Variants in ATP13A2 observed in about 807,000 individuals in gnomAD.
ATP13A2 encodes ATPase cation transporting 13A2, also known as polyamine-transporting ATPase 13A2.
A neutral mutation model predicts 138.3 loss-of-function variants in ATP13A2; 83 were observed. The ratio of observed to expected loss-of-function variants is 0.60; its 90% CI spans 0.50 to 0.72. The LOEUF (loss-of-function observed/expected upper bound fraction) is 0.72, where lower values mean the gene tolerates loss of function less well. ATP13A2 is among the 30% of genes least tolerant of loss of function. The pLI is 0.00. For synonymous variants in ATP13A2, 663 were observed against 699.0 expected, an observed-to-expected ratio of 0.95 and a Z score of 0.81; for missense variants, 1,402 against 1,606.4, an observed-to-expected ratio of 0.87 and a Z score of 2.17.
Position 16,997,153 on chromosome 1 carries a change from C to G in ATP13A2, c.1062G>C (p.Lys354Asn), listed in dbSNP as rs2077160781. The change falls in exon 12 of 29, where the codon AAG becomes AAC. Residue 354 changes from lysine to asparagine, a missense_variant. By Grantham distance (94) the Lys-to-Asn change is moderately conservative. Transcript: ENST00000326735. ...SLTGESIPVL[K>N]TALPEGLGPY... Reference sequence around the variant, plus strand: ...GCCCCAGCCCCTCCGGCAGTGCCGTCTTCAGCACTGGAATGCTCTCTCCTG... The same window carrying G: ...GCCCCAGCCCCTCCGGCAGTGCCGTGTTCAGCACTGGAATGCTCTCTCCTG... The G allele has an allele frequency of 1.2e-6, 2 of 1,613,530 alleles. No homozygotes were observed. The highest frequency in any genetic ancestry group is 1.7e-6 in the Non-Finnish European group (2 of 1,180,044).
chr1:17,007,550 C>CTTTT (rs67484789), intron 1 of ATP13A2, among the ~76,000 whole-genome samples: 2 of 80,792 alleles, frequency 2.5e-5, no homozygotes, highest in Non-Finnish European at 5.0e-5. Context: ...AAAATTTTTC[C>CTTTT]TTTTTTTTTT....
Position 17,011,688 on chromosome 1 carries a change from G to C in ATP13A2, c.10+41C>G. ...GGGTGACGACAACTGGCGGGCCGGG[G>C]ACCGCGCCGGGCTCGGGGCCGACCC... On this transcript the variant is annotated intron_variant, in intron 1 of 28. Coordinates refer to ENST00000326735, the MANE Select transcript of ATP13A2 (RefSeq NM_022089.4). The surrounding 1 kb of genome is among the most constrained non-coding windows in gnomAD (Gnocchi z 7.3). 1 of 1,482,658 alleles carries C rather than the reference G, an allele frequency of 6.7e-7. No individual in the cohort carries two copies. The highest frequency in any genetic ancestry group is 8.9e-7 in the Non-Finnish European group (1 of 1,123,060). The allele number at this position is 1,482,658 out of a possible 1,614,324, so 91.8% of individuals were successfully genotyped here. A position where few individuals can be genotyped will look rare whatever the true frequency, so the allele number is the denominator to read the frequency against.
intron 18 of ATP13A2, 24 bp downstream of exon 18, chr1:16,992,219 G>A: frequency 6.2e-7 from 1 of 1,612,006 alleles, no homozygotes; most frequent in East Asian, 2.2e-5. Context: ...CCAACCAGGG[G>A]GACTCAGGGG....
At chr1:17,003,413 C>A (rs983128918) in intron 6 of ATP13A2, among the ~76,000 whole-genome samples, 3 of 152,018 alleles carry the variant, frequency 2.0e-5, no homozygotes, top group African/African-American at 4.8e-5. Flanking sequence ...CAAAAATTAG[C>A]TGGGTGTGGT....
Position 17,011,732 on chromosome 1 carries a change from C to T in ATP13A2, c.7G>A (p.Ala3Thr), listed in dbSNP as rs549839037. Reference protein sequence around the residue: MSADSSPLVGSTP... With the variant: MSTDSSPLVGSTP... ...CCGACCCGGACTCCGCACTCACCTG[C>T]GCTCATGCCGGCTCCTCGCGCTCAT... Residue 3 changes from alanine (A) to threonine (T), a missense_variant, in exon 1 of 29, where the codon GCA (alanine) becomes ACA (threonine). Coordinates refer to ENST00000326735, the MANE Select transcript of ATP13A2 (RefSeq NM_022089.4). This position sits in a 1 kb window ranked among gnomAD's most constrained non-coding sequence, Gnocchi z 7.3. 5 of 1,474,756 alleles carry T rather than the reference C, an allele frequency of 3.4e-6. No homozygotes were observed. The South Asian group carries it at 3.8e-5, about 11-fold the overall frequency. 91.4% of individuals were successfully genotyped at this position (1,474,756 alleles called of 1,614,324 possible).
rs755284799 is a variant in ATP13A2, at chr1:16,992,273, G to A, written c.1975C>T (p.Leu659=). 29 of 1,612,534 alleles carry A rather than the reference G, an allele frequency of 1.8e-5. No homozygotes were observed. In the African/African-American group the frequency reaches 3.1e-4, roughly 17 times the overall value. The change falls in exon 18 of 29, where the codon CTG becomes TTG. Residue 659 remains leucine (L), a synonymous_variant. Coordinates refer to ENST00000326735, the MANE Select transcript of ATP13A2 (RefSeq NM_022089.4). The part of the protein sequence containing the change: ...PEAYVKGSPE[L]VAGLCNPETV... ...TCGGGGTTGCAGAGCCCTGCCACCA[G>A]CTCCGGGGAGCCTTTGACGTAGGCC...
Position 16,995,766 on chromosome 1 carries a change from A to C in ATP13A2, c.1542+210T>G, listed in dbSNP as rs1180381376. On this transcript the variant is annotated intron_variant, in intron 15 of 28. Transcript: ENST00000326735. This position sits in a 1 kb window ranked among gnomAD's most constrained non-coding sequence, Gnocchi z 4.1. The stretch of plus-strand genomic sequence containing the variant: ...CGGCCCCCCACCAGTTCTTGAACAC[A>C]TGAATACATGATTCTAGACATTTCA... 1 of 716,904 alleles carries C rather than the reference A, an allele frequency of 1.4e-6. No individual in the cohort carries two copies. 44.4% of individuals were successfully genotyped at this position (716,904 alleles called of 1,614,324 possible).
intron 25 of ATP13A2, among the ~76,000 whole-genome samples, chr1:16,987,705 G>A (rs111390353): frequency 2.0e-5 from 3 of 152,340 alleles, no homozygotes; most frequent in African/African-American, 7.2e-5. Context: ...GGGGTGAGCA[G>A]GCCATGCCCA....
At position 17,004,035 on chromosome 1, in the gene ATP13A2, G is replaced by A. The variant is rs1212378649; in HGVS notation, c.557+297C>T. The stretch of plus-strand genomic sequence containing the variant: ...ACCCCAAGCAGACAGTCTGAGTACA[G>A]AGCTGATAGTCTGATTCACAGTGGT... On this transcript the variant is annotated intron_variant, in intron 6 of 28. Transcript: ENST00000326735. This position sits in a 1 kb window ranked among gnomAD's most constrained non-coding sequence, Gnocchi z 4.1. Among the ~76,000 whole-genome samples, 7 of 152,200 alleles carry A rather than the reference G, an allele frequency of 4.6e-5. No homozygotes were observed. The highest frequency in any genetic ancestry group is 1.0e-4 in the Non-Finnish European group (7 of 68,040).
chr1:16,986,123 G>A lies in ATP13A2; in HGVS notation c.*98C>T, dbSNP rs1375809297. On this transcript the variant is annotated 3_prime_UTR_variant, in exon 29 of 29. Coordinates refer to ENST00000326735, the MANE Select transcript of ATP13A2 (RefSeq NM_022089.4). The surrounding 1 kb of genome is among the most constrained non-coding windows in gnomAD (Gnocchi z 6.9). ...GAGTGTAGACAGTCGCCAACCTCAG[G>A]GATGTGGGAGGTGGTGGCGGTGGTG... 6 of 1,591,658 alleles carry A rather than the reference G, an allele frequency of 3.8e-6. No homozygotes were observed. The highest frequency in any genetic ancestry group is 5.1e-6 in the Non-Finnish European group (6 of 1,170,418).
chr1:16,991,380 C>T (rs1001874386), intron 20 of ATP13A2, among the ~76,000 whole-genome samples: 23 of 152,272 alleles, frequency 1.5e-4, no homozygotes, highest in African/African-American at 4.6e-4. Context: ...GTACCGTGCC[C>T]GGCCAGAATC....
chr1:16,993,267 G>A (rs2100804489), intron 16 of ATP13A2, among the ~76,000 whole-genome samples: 1 of 152,306 alleles, frequency 6.6e-6, no homozygotes, highest in South Asian at 2.1e-4. Context: ...CCAGGCTGGA[G>A]TGCAGTAGCG....
At chr1:17,007,907 G>A (rs921092081) in intron 1 of ATP13A2, among the ~76,000 whole-genome samples, 1 of 151,868 alleles carries the variant, frequency 6.6e-6, no homozygotes, top group Admixed American at 6.6e-5. Context: ...GCTGCTGTGG[G>A]CACAGCACCC....
At chr1:16,992,460 C>T in intron 17 of ATP13A2, 26 bp downstream of exon 17, 2 of 1,613,840 alleles carry the variant, frequency 1.2e-6, no homozygotes, top group South Asian at 1.1e-5. Flanking sequence ...CTCTGCCCTG[C>T]ACCCAACAGG....
chr1:16,991,170 C>T (rs1422316550), intron 20 of ATP13A2, among the ~76,000 whole-genome samples: 2 of 151,790 alleles, frequency 1.3e-5, no homozygotes, highest in Non-Finnish European at 2.9e-5. Flanking sequence ...AGGTTGGTCT[C>T]GAACTCCTGA....
intron 9 of ATP13A2, 23 bp downstream of exon 9, chr1:17,000,377 C>T (rs775827756): frequency 2.5e-6 from 4 of 1,604,942 alleles, no homozygotes; most frequent in Non-Finnish European, 3.4e-6. Context: ...CTGTCCCGTC[C>T]CCACCCACCT....
Position 16,995,270 on chromosome 1 carries a change from G to C in ATP13A2, c.1542+706C>G, listed in dbSNP as rs2077078103. Among the ~76,000 whole-genome samples, 2 of 152,102 alleles carry C rather than the reference G, an allele frequency of 1.3e-5. No individual in the cohort carries two copies. The highest frequency in any genetic ancestry group is 1.3e-4 in the Admixed American group (2 of 15,262). ...AGTGTCCCCATCTAGAACCCATCAA[G>C]CTATCCCACTGGCTTCCTTCCTAAA... On this transcript the variant is annotated intron_variant, in intron 15 of 28. Transcript: ENST00000326735. The surrounding 1 kb of genome is among the most constrained non-coding windows in gnomAD (Gnocchi z 4.1).
In ATP13A2 at chr1:17,004,187, G is replaced by C. The variant is rs953530292; in HGVS notation, c.557+145C>G. The stretch of plus-strand genomic sequence containing the variant: ...TTTATAGACAGAGATCCCAGGCCTG[G>C]AGGGGCTCAGTAACCTGCCCAAGGT... On this transcript the variant is annotated intron_variant, in intron 6 of 28. Coordinates refer to ENST00000326735, the MANE Select transcript of ATP13A2 (RefSeq NM_022089.4). The surrounding 1 kb of genome is among the most constrained non-coding windows in gnomAD (Gnocchi z 4.1). 2.5e-6 allele frequency: 2 copies of C among 798,420 alleles called. No homozygotes were observed. Among genetic ancestry groups the C allele is most frequent in the African/African-American group, 3.4e-5 (2 of 58,652 alleles). 49.5% of individuals were successfully genotyped at this position (798,420 alleles called of 1,614,324 possible). A position where few individuals can be genotyped will look rare whatever the true frequency, so the allele number is the denominator to read the frequency against.
intron 11 of ATP13A2, among the ~76,000 whole-genome samples, chr1:16,997,414 C>CGGGGGGGGGGGG (rs1379881479): frequency 1.1e-4 from 6 of 56,636 alleles, no homozygotes; most frequent in South Asian, 5.8e-4. Flanking sequence ...CTGGAACCAG[C>CGGGGGGGGGGGG]GGGGGGGGGT....
Sources: allele counts gnomAD v4.1 joint callset (sites outside exome capture counted in the v4.1 genomes callset), GRCh38; gene constraint gnomAD v4.1.1; non-coding constraint Gnocchi (gnomAD v3.1); transcripts MANE v1.5; gene names NCBI Gene and HGNC (gene_info 2026-07-23, HGNC 2026-07-21).